The following NFIA variants were observed in gnomAD, a reference collection of about 807,000 sequenced individuals.
The protein encoded by NFIA is nuclear factor I A.
In NFIA, 8 loss-of-function variants were observed where a neutral mutation model predicts 62.8. The ratio of observed to expected loss-of-function variants is 0.13; its 90% CI spans 0.07 to 0.23. NFIA has a LOEUF of 0.23. Ranked by LOEUF, NFIA falls within the 10% of genes least tolerant of loss-of-function variation. The probability of loss-of-function intolerance (pLI) is 1.00; values close to 1 mark genes in which losing one functional copy is unlikely to be tolerated. For missense variants in NFIA, 410 were observed against 642.1 expected (o/e 0.64, Z 3.91); for synonymous variants, 235 against 238.1 (o/e 0.99, Z 0.12).
At chr1:61,165,570 A>G (rs756176665) in intron 2 of NFIA, among the ~76,000 whole-genome samples, 1 of 152,170 alleles carries the variant, frequency 6.6e-6, no homozygotes, top group African/African-American at 2.4e-5. Flanking sequence ...CTCGTGTGAT[A>G]TTTTTGCTTA....
intron 2 of NFIA, among the ~76,000 whole-genome samples, chr1:61,198,982 C>A (rs1235504167): frequency 1.3e-5 from 2 of 152,140 alleles, no homozygotes; most frequent in Non-Finnish European, 2.9e-5. Context: ...TGGAAAACGG[C>A]CTTTGCCCAC....
At chr1:61,249,038 A>G (rs1028987868) in intron 2 of NFIA, 1 of 152,248 alleles carries the variant, frequency 6.6e-6, no homozygotes, top group Non-Finnish European at 1.5e-5. Flanking sequence ...TTGTGAGAGA[A>G]AAGTAGGTAA....
intron 7 of NFIA, among the ~76,000 whole-genome samples, chr1:61,389,844 C>T (rs967169051): frequency 6.6e-6 from 1 of 151,810 alleles, no homozygotes; most frequent in Non-Finnish European, 1.5e-5. Flanking sequence ...CTTAGGTGCA[C>T]GCCACTTTAG....
intron 2 of NFIA, among the ~76,000 whole-genome samples, chr1:61,235,279 G>A (rs914319333): frequency 6.6e-6 from 1 of 151,868 alleles, no homozygotes; most frequent in South Asian, 2.1e-4. Flanking sequence ...TGTCTAACAC[G>A]GTGAAACCCC....
At chr1:61,399,318 G>A (rs1427913716) in intron 7 of NFIA, among the ~76,000 whole-genome samples, 3 of 152,180 alleles carry the variant, frequency 2.0e-5, no homozygotes, top group Non-Finnish European at 4.4e-5. Context: ...ACTGCCTTAA[G>A]AGCACACTGT....
intron 2 of NFIA, among the ~76,000 whole-genome samples, chr1:61,252,916 G>C (rs1293426197): frequency 6.6e-6 from 1 of 152,154 alleles, no homozygotes; most frequent in Non-Finnish European, 1.5e-5. Context: ...CAGAGTTTTA[G>C]AGATGTTTTG....
At chr1:61,133,282 C>G (rs932713385) in intron 2 of NFIA, among the ~76,000 whole-genome samples, 1 of 147,918 alleles carries the variant, frequency 6.8e-6, no homozygotes, top group East Asian at 2.0e-4. Context: ...TTTTTTTTTT[C>G]TCTGTTGACC....
In NFIA at chr1:61,406,543, G is replaced by GCA; in HGVS notation, c.1255-18_1255-17insAC. 1 of 876,654 alleles carries GCA rather than the reference G, an allele frequency of 1.1e-6. No homozygotes were observed. The highest frequency in any genetic ancestry group is 3.9e-5 in the Admixed American group (1 of 25,466). The allele number at this position is 876,654 out of a possible 1,614,324, so 54.3% of individuals were successfully genotyped here. A position where few individuals can be genotyped will look rare whatever the true frequency, so the allele number is the denominator to read the frequency against. ...TCTTTTTCTTGTACGTGTGTTTTCT[G>GCA]CCCCCCCCCCCCCCACAGCCCAATG... On this transcript the variant is annotated intron_variant, in intron 8 of 10. Transcript: ENST00000403491.
At chr1:61,289,523 A>G (rs1325549795) in intron 3 of NFIA, among the ~76,000 whole-genome samples, 1 of 152,200 alleles carries the variant, frequency 6.6e-6, no homozygotes, top group Non-Finnish European at 1.5e-5. Flanking sequence ...CTGCTTAACC[A>G]TGGCATTCTA....
At chr1:61,201,612 G>C (rs1252798933) in intron 2 of NFIA, among the ~76,000 whole-genome samples, 1 of 152,086 alleles carries the variant, frequency 6.6e-6, no homozygotes, top group Non-Finnish European at 1.5e-5. Flanking sequence ...ATCAGTTGTG[G>C]AGAAAATATT....
intron 2 of NFIA, among the ~76,000 whole-genome samples, chr1:61,270,681 TAA>T (rs1352031754): frequency 6.6e-6 from 1 of 151,954 alleles, no homozygotes; most frequent in Non-Finnish European, 1.5e-5. Context: ...AACCTAGTGT[TAA>T]GATTAATTTT....
intron 2 of NFIA, among the ~76,000 whole-genome samples, chr1:61,115,043 G>A (rs1476272473): frequency 1.3e-5 from 2 of 152,058 alleles, no homozygotes; most frequent in South Asian, 2.1e-4. Context: ...GCAGTGGTGC[G>A]ATCTTGGCCC....
chr1:61,113,960 T>G (rs1434051343), intron 2 of NFIA, among the ~76,000 whole-genome samples: 2 of 152,212 alleles, frequency 1.3e-5, no homozygotes, highest in Non-Finnish European at 2.9e-5. Context: ...TCAAGAGGTT[T>G]TTTTTGAAAG....
intron 3 of NFIA, among the ~76,000 whole-genome samples, chr1:61,287,492 G>A (rs1303266312): frequency 6.6e-6 from 1 of 152,050 alleles, no homozygotes; most frequent in African/African-American, 2.4e-5. Flanking sequence ...TCACCATGAA[G>A]GTGGATTTTG....
At chr1:61,320,198 C>G (rs950323286) in intron 3 of NFIA, among the ~76,000 whole-genome samples, 13 of 151,946 alleles carry the variant, frequency 8.6e-5, no homozygotes, top group Admixed American at 5.3e-4. Flanking sequence ...TGTGCTAACA[C>G]GACATGGCCT....
chr1:61,088,622 C>T lies in NFIA; in HGVS notation c.501C>T (p.His167=). The T allele has an allele frequency of 6.2e-7, 1 of 1,614,140 alleles. No individual in the cohort carries two copies. The highest frequency in any genetic ancestry group is 8.5e-7 in the Non-Finnish European group (1 of 1,179,994). ...SNPGLCVQPH[H]IGVSVKELDL... Reference sequence around the variant, plus strand: ...CAGGGCTCTGTGTCCAACCCCATCACATAGGGGTTTCTGTTAAGGAACTCG... The same window carrying T: ...CAGGGCTCTGTGTCCAACCCCATCATATAGGGGTTTCTGTTAAGGAACTCG... The change falls in exon 2 of 11, where the codon CAC becomes CAT. Residue 167 remains histidine, a synonymous_variant. Transcript: ENST00000403491. The surrounding 1 kb of genome is among the most constrained non-coding windows in gnomAD (Gnocchi z 4.5).
intron 2 of NFIA, among the ~76,000 whole-genome samples, chr1:61,271,388 G>T (rs1342782093): frequency 6.6e-6 from 1 of 152,200 alleles, no homozygotes; most frequent in African/African-American, 2.4e-5. Context: ...TGAAATACCA[G>T]AAAAGTTGAA....
intron 3 of NFIA, among the ~76,000 whole-genome samples, chr1:61,306,269 CTTTTTTTT>C (rs774297484): frequency 1.3e-3 from 79 of 60,624 alleles, no homozygotes; most frequent in Middle Eastern, 0.02. Context: ...AGATTTTGTT[CTTTTTTTT>C]TTTTTTTTTT....
At chr1:61,111,584 A>G (rs1646694657) in intron 2 of NFIA, among the ~76,000 whole-genome samples, 1 of 152,166 alleles carries the variant, frequency 6.6e-6, no homozygotes, top group Non-Finnish European at 1.5e-5. Flanking sequence ...ATTGTTGTGC[A>G]TTCTATTAAA....
Sources: allele counts gnomAD v4.1 joint callset (sites outside exome capture counted in the v4.1 genomes callset), GRCh38; gene constraint gnomAD v4.1.1; non-coding constraint Gnocchi (gnomAD v3.1); transcripts MANE v1.5; gene names NCBI Gene and HGNC (gene_info 2026-07-23, HGNC 2026-07-21).